Variants in C1QTNF4 observed in about 807,000 individuals in gnomAD.
C1QTNF4 encodes complement C1q tumor necrosis factor-related protein 4.
C1QTNF4 carries 12 observed loss-of-function variants against 14.6 expected under a neutral mutation model. The observed-to-expected ratio is 0.82, with a 90% CI of 0.53 to 1.33. The LOEUF (loss-of-function observed/expected upper bound fraction) is 1.33, where lower values mean the gene tolerates loss of function less well. Among genes scored for constraint, C1QTNF4 ranks in the 40% most tolerant of loss-of-function variants. The pLI is 0.00. For synonymous variants in C1QTNF4, 278 were observed against 246.6 expected, an observed-to-expected ratio of 1.13 and a Z score of -1.19; for missense variants, 558 against 500.3, an observed-to-expected ratio of 1.12 and a Z score of -1.10.
At chr11:47,591,944 C>T (rs1034218989) in intron 1 of C1QTNF4, among the ~76,000 whole-genome samples, 3 of 152,302 alleles carry the variant, frequency 2.0e-5, no homozygotes, top group East Asian at 1.9e-4. Context: ...TCTGCATGAC[C>T]GTTACTGTTT....
Position 47,589,748 on chromosome 11 carries a change from G to C in C1QTNF4, c.*73C>G. 1 of 1,374,290 alleles carries C rather than the reference G, an allele frequency of 7.3e-7. No individual in the cohort carries two copies. Among genetic ancestry groups the C allele is most frequent in the Non-Finnish European group, 9.6e-7 (1 of 1,045,028 alleles). 85.1% of individuals were successfully genotyped at this position (1,374,290 alleles called of 1,614,324 possible). A position where few individuals can be genotyped will look rare whatever the true frequency, so the allele number is the denominator to read the frequency against. ...CGCCCGGAGGCCGTGGCGCTCGCGCGGGACTTTCGAGCCTCCGGCCCGGCC... is the reference window on the plus strand; with the variant it reads ...CGCCCGGAGGCCGTGGCGCTCGCGCCGGACTTTCGAGCCTCCGGCCCGGCC... On this transcript the variant is annotated 3_prime_UTR_variant, in exon 2 of 2. Coordinates refer to ENST00000302514, the MANE Select transcript of C1QTNF4 (RefSeq NM_031909.3).
chr11:47,590,760 C>G lies in C1QTNF4; in HGVS notation c.51G>C (p.Leu17=), dbSNP rs1230985510. The G allele has an allele frequency of 6.4e-7, 1 of 1,571,914 alleles. No homozygotes were observed. Among genetic ancestry groups the G allele is most frequent in the Non-Finnish European group, 8.6e-7 (1 of 1,162,674 alleles). The change falls in exon 2 of 2, where the codon CTG becomes CTC. Residue 17 remains leucine (L), a synonymous_variant. Coordinates refer to ENST00000302514, the MANE Select transcript of C1QTNF4 (RefSeq NM_031909.3). ...GLLGPAACWA[L]GPTPGPGSSE... ...AGGATCCCGGGCCGGGGGTCGGGCCCAGGGCCCAGCAGGCCGCTGGGCCCA... is the reference window on the plus strand; with the variant it reads ...AGGATCCCGGGCCGGGGGTCGGGCCGAGGGCCCAGCAGGCCGCTGGGCCCA...
chr11:47,590,419 G>C lies in C1QTNF4; in HGVS notation c.392C>G (p.Thr131Arg). The C allele has an allele frequency of 6.7e-7, 1 of 1,502,986 alleles. No individual in the cohort carries two copies. The highest frequency in any genetic ancestry group is 1.3e-5 in the South Asian group (1 of 79,320). The allele number at this position is 1,502,986 out of a possible 1,614,324, so 93.1% of individuals were successfully genotyped here. A position where few individuals can be genotyped will look rare whatever the true frequency, so the allele number is the denominator to read the frequency against. Residue 131 changes from threonine (T) to arginine (R), a missense_variant, in exon 2 of 2, where the codon ACA (threonine) becomes AGA (arginine). By Grantham distance (71) the Thr-to-Arg change is moderately conservative. Transcript: ENST00000302514. ...SAMLQLDYGD[T>R]VWLRLHGAPQ... is the part of the protein sequence containing the mutation. ...GGCGCCATGCAGCCGCAGCCACACT[G>C]TGTCGCCGTAGTCGAGCTGCAGCAT...
At position 47,590,786 on chromosome 11, in the gene C1QTNF4, G is replaced by C; in HGVS notation, c.25C>G (p.Leu9Val). ...AGGGCCCAGCAGGCCGCTGGGCCCA[G>C]CAGGCCCAGCAGAAGCGGCAGCATG... MLPLLLGL[L>V]GPAACWALGP... The change falls in exon 2 of 2, where the codon CTG (leucine) becomes GTG (valine). Residue 9 changes from leucine to valine, a missense_variant. Leu to Val is a conservative substitution (Grantham distance 32). Transcript: ENST00000302514. The C allele has an allele frequency of 6.6e-7, 1 of 1,518,402 alleles. No homozygotes were observed. The highest frequency in any genetic ancestry group is 8.8e-7 in the Non-Finnish European group (1 of 1,139,364). The allele number at this position is 1,518,402 out of a possible 1,614,324, so 94.1% of individuals were successfully genotyped here.
At position 47,594,195 on chromosome 11, in the gene C1QTNF4, TGGCTCCG is replaced by T. The variant is rs964132114; in HGVS notation, c.-60_-54del. On this transcript the variant is annotated 5_prime_UTR_variant, in exon 1 of 2. Coordinates refer to ENST00000302514, the MANE Select transcript of C1QTNF4 (RefSeq NM_031909.3). Reference sequence around the variant, plus strand: ...TCGGGTTCGGTCTGAGCCCGCGATCTGGCTCCGGGCTGCGGGCTGCGGGCTGCAGGCT... The same window carrying T: ...TCGGGTTCGGTCTGAGCCCGCGATCTGGCTGCGGGCTGCGGGCTGCAGGCT... 19 of 151,814 alleles carry T rather than the reference TGGCTCCG, an allele frequency of 1.3e-4. No homozygotes were observed. Among genetic ancestry groups the T allele is most frequent in the African/African-American group, 4.6e-4 (19 of 41,258 alleles). 9.4% of individuals were successfully genotyped at this position (151,814 alleles called of 1,614,324 possible).
rs1296894574 is a variant in C1QTNF4, at chr11:47,590,532, C to T, written c.279G>A (p.Met93Ile). ...GKAPHKSLSV[M>I]LVRNRDEVQA... is the part of the protein sequence containing the mutation. ...GCACCTCGTCGCGGTTTCGCACCAG[C>T]ATCACCGACAGGCTCTTGTGCGGGG... Residue 93 changes from methionine (M) to isoleucine (I), a missense_variant, in exon 2 of 2, where the codon ATG (methionine) becomes ATA (isoleucine). Coordinates refer to ENST00000302514, the MANE Select transcript of C1QTNF4 (RefSeq NM_031909.3). 2.5e-6 allele frequency: 4 copies of T among 1,596,108 alleles called. No homozygotes were observed. In the East Asian group the frequency reaches 6.9e-5, roughly 27 times the overall value.
At chr11:47,591,283 T>C (rs561588394) in intron 1 of C1QTNF4, among the ~76,000 whole-genome samples, 12 of 152,288 alleles carry the variant, frequency 7.9e-5, no homozygotes, top group Admixed American at 5.9e-4. Flanking sequence ...TTTCACCATG[T>C]TGGCCAGGCT....
At position 47,589,754 on chromosome 11, in the gene C1QTNF4, T is replaced by G; in HGVS notation, c.*67A>C. 7.2e-7 allele frequency: 1 copy of G among 1,396,874 alleles called. No homozygotes were observed. Among genetic ancestry groups the G allele is most frequent in the Non-Finnish European group, 9.4e-7 (1 of 1,064,086 alleles). 86.5% of individuals were successfully genotyped at this position (1,396,874 alleles called of 1,614,324 possible). On this transcript the variant is annotated 3_prime_UTR_variant, in exon 2 of 2. Coordinates refer to ENST00000302514, the MANE Select transcript of C1QTNF4 (RefSeq NM_031909.3). The stretch of plus-strand genomic sequence containing the variant: ...GAGGCCGTGGCGCTCGCGCGGGACT[T>G]TCGAGCCTCCGGCCCGGCCTGGCAT...
In C1QTNF4 at chr11:47,590,272, G is replaced by A. The variant is rs763271114; in HGVS notation, c.539C>T (p.Ser180Leu). 1.5e-6 allele frequency: 2 copies of A among 1,332,442 alleles called. No individual in the cohort carries two copies. The highest frequency in any genetic ancestry group is 1.9e-6 in the Non-Finnish European group (2 of 1,044,602). 82.5% of individuals were successfully genotyped at this position (1,332,442 alleles called of 1,614,324 possible). The stretch of plus-strand genomic sequence containing the variant: ...CACCAAGCTGCGCGTGCGCGCCGCC[G>A]AGAAGGCCGAGCGCGGCTCGGGGGG... ...PAPPEPRSAF[S>L]AARTRSLVGS... The change falls in exon 2 of 2, where the codon TCG becomes TTG. Residue 180 changes from serine to leucine, a missense_variant. Coordinates refer to ENST00000302514, the MANE Select transcript of C1QTNF4 (RefSeq NM_031909.3).
chr11:47,594,498 G>C (rs1254507831), upstream of C1QTNF4: 1 of 152,608 alleles, frequency 6.6e-6, no homozygotes. Flanking sequence ...CACGGAGTCT[G>C]CGCCGAGCAC....
At chr11:47,590,926 C>G in intron 1 of C1QTNF4, 111 bp from the exon 2 acceptor site, 1 of 1,410,748 alleles carries the variant, frequency 7.1e-7, no homozygotes, top group South Asian at 1.6e-5. Flanking sequence ...CCTTGACCCA[C>G]AAGTAGGTTT....
Position 47,589,956 on chromosome 11 carries a change from C to T in C1QTNF4, c.855G>A (p.Trp285Ter). 1 of 1,610,350 alleles carries T rather than the reference C, an allele frequency of 6.2e-7. No homozygotes were observed. ...MLALRRGDAV[W>*]LLSHDHDGYG... ...AGCCGTCGTGGTCGTGGCTGAGCAG[C>T]CAGACGGCGTCGCCGCGCCGCAGGG... Residue 285 changes from tryptophan (W) to a stop codon, truncating the protein, a stop_gained, in exon 2 of 2, where the codon TGG becomes TGA. Coordinates refer to ENST00000302514, the MANE Select transcript of C1QTNF4 (RefSeq NM_031909.3). LOFTEE classifies it high-confidence loss of function.
intron 1 of C1QTNF4, among the ~76,000 whole-genome samples, chr11:47,592,821 C>T (rs2097276278): frequency 6.6e-6 from 1 of 152,198 alleles, no homozygotes; most frequent in Non-Finnish European, 1.5e-5. Flanking sequence ...TCACACTCCA[C>T]ATGTTAGAGC....
rs1291996416 is a variant in C1QTNF4 at position 47,590,146 on chromosome 11, C to A, written c.665G>T (p.Arg222Leu). Residue 222 changes from arginine to leucine, a missense_variant, in exon 2 of 2, where the codon CGC (arginine) becomes CTC (leucine). Coordinates refer to ENST00000302514, the MANE Select transcript of C1QTNF4 (RefSeq NM_031909.3). ...GAAGTAGGCGCCGGGCAGACGGCAG[C>A]GGAACACGCCGGCCGCCGCGTCGAA... is the stretch of plus-strand genomic sequence containing the variant. ...GDFDAAAGVF[R>L]CRLPGAYFFS... 1.9e-6 allele frequency: 3 copies of A among 1,606,392 alleles called. No homozygotes were observed. The highest frequency in any genetic ancestry group is 2.5e-6 in the Non-Finnish European group (3 of 1,177,616).
chr11:47,591,596 G>A (rs1320805729), intron 1 of C1QTNF4, among the ~76,000 whole-genome samples: 3 of 151,560 alleles, frequency 2.0e-5, no homozygotes, highest in Non-Finnish European at 4.4e-5. Context: ...CACCATGTTG[G>A]CCAGGATGGT....
Position 47,589,812 on chromosome 11 carries a change from G to T in C1QTNF4, c.*9C>A. The T allele has an allele frequency of 6.6e-7, 1 of 1,519,842 alleles. No homozygotes were observed. Among genetic ancestry groups the T allele is most frequent in the Non-Finnish European group, 8.8e-7 (1 of 1,131,546 alleles). The allele number at this position is 1,519,842 out of a possible 1,614,324, so 94.1% of individuals were successfully genotyped here. A position where few individuals can be genotyped will look rare whatever the true frequency, so the allele number is the denominator to read the frequency against. ...CCTGGCCCTCCCGGGCTCTTCTCTG[G>T]CCCGGGGCTCACAGTAGCTCCGAGG... On this transcript the variant is annotated 3_prime_UTR_variant, in exon 2 of 2. Transcript: ENST00000302514.
At position 47,589,819 on chromosome 11, in the gene C1QTNF4, G is replaced by A; in HGVS notation, c.*2C>T. On this transcript the variant is annotated 3_prime_UTR_variant, in exon 2 of 2. Transcript: ENST00000302514. ...CTCCCGGGCTCTTCTCTGGCCCGGG[G>A]CTCACAGTAGCTCCGAGGCCCCGAG... 6.5e-7 allele frequency: 1 copy of A among 1,528,642 alleles called. No individual in the cohort carries two copies. Among genetic ancestry groups the A allele is most frequent in the Non-Finnish European group, 8.8e-7 (1 of 1,135,390 alleles). 94.7% of individuals were successfully genotyped at this position (1,528,642 alleles called of 1,614,324 possible).
rs545809872 is a variant in C1QTNF4 at position 47,590,384 on chromosome 11, C to T, written c.427G>A (p.Ala143Thr). The change falls in exon 2 of 2, where the codon GCG becomes ACG. Residue 143 changes from alanine to threonine, a missense_variant. Transcript: ENST00000302514. ...AAGGTGGCGCCGGGCGCGCCTAGCG[C>T]GTACTGCGGGGCGCCATGCAGCCGC... ...WLRLHGAPQY[A>T]LGAPGATFSG... The T allele has an allele frequency of 2.7e-6, 4 of 1,455,300 alleles. No homozygotes were observed. Among genetic ancestry groups the T allele is most frequent in the Admixed American group, 2.7e-5 (1 of 36,998 alleles). 90.1% of individuals were successfully genotyped at this position (1,455,300 alleles called of 1,614,324 possible). A position where few individuals can be genotyped will look rare whatever the true frequency, so the allele number is the denominator to read the frequency against.
Position 47,590,575 on chromosome 11 carries a change from G to A in C1QTNF4, c.236C>T (p.Ser79Phe), listed in dbSNP as rs748381810. 2.5e-6 allele frequency: 4 copies of A among 1,604,902 alleles called. No homozygotes were observed. Among genetic ancestry groups the A allele is most frequent in the Middle Eastern group, 1.6e-4 (1 of 6,076 alleles). The change falls in exon 2 of 2, where the codon TCC becomes TTC. Residue 79 changes from serine (S) to phenylalanine (F), a missense_variant. Transcript: ENST00000302514. ...GTGCGGGGCCTTGCCAGCCGTGAAG[G>A]AGAAGAAGTAGGCGCCGGGCACGCG... is the stretch of plus-strand genomic sequence containing the variant. ...RCRVPGAYFF[S>F]FTAGKAPHKS...
Sources: gnomAD v4.1 joint callset for allele counts (sites outside exome capture counted in the v4.1 genomes callset) on GRCh38, gnomAD v4.1.1 for gene constraint, MANE v1.5 for transcripts, NCBI Gene and HGNC (gene_info 2026-07-23, HGNC 2026-07-21) for gene names.